The following ROBO2 variants were observed in gnomAD, a reference collection of about 807,000 sequenced individuals.
The protein encoded by ROBO2 is roundabout guidance receptor 2.
Under a neutral mutation model 160.8 loss-of-function variants are expected in ROBO2, and 53 were observed. The observed-to-expected ratio is 0.33, with a 90% CI of 0.26 to 0.41. ROBO2 has a LOEUF of 0.41. Ranked by LOEUF, ROBO2 falls within the 10% of genes least tolerant of loss-of-function variation. The pLI is 1.00. For missense variants in ROBO2, 1,577 were observed against 1,722.4 expected (o/e 0.92, Z 1.49); for synonymous variants, 664 against 611.7 (o/e 1.09, Z -1.26).
At chr3:76,764,466 A>C (rs1328758052) in intron 2 of ROBO2, among the ~76,000 whole-genome samples, 2 of 151,684 alleles carry the variant, frequency 1.3e-5, no homozygotes, top group African/African-American at 4.8e-5. Context: ...TTTACTTTCC[A>C]ATTGTTTCAT....
intron 2 of ROBO2, among the ~76,000 whole-genome samples, chr3:77,015,048 A>T (rs2062152642): frequency 6.6e-6 from 1 of 152,144 alleles, no homozygotes; most frequent in Non-Finnish European, 1.5e-5. Flanking sequence ...GTAAAAAAAA[A>T]AAGTACACAT....
chr3:77,002,930 A>G (rs1052952151), intron 2 of ROBO2, among the ~76,000 whole-genome samples: 4 of 152,018 alleles, frequency 2.6e-5, no homozygotes, highest in Non-Finnish European at 4.4e-5. Flanking sequence ...ATGACTGACC[A>G]TATGTCTAGA....
intron 2 of ROBO2, among the ~76,000 whole-genome samples, chr3:76,494,437 A>G (rs1245746878): frequency 6.6e-6 from 1 of 152,210 alleles, no homozygotes; most frequent in Non-Finnish European, 1.5e-5. Context: ...GATCAAAGAC[A>G]TGCAATTGTA....
chr3:77,025,490 C>T (rs904971319), intron 2 of ROBO2, among the ~76,000 whole-genome samples: 9 of 152,112 alleles, frequency 5.9e-5, no homozygotes, highest in African/African-American at 2.2e-4. Flanking sequence ...ATTTGGTTAA[C>T]ATGATAACTA....
At chr3:76,198,514 T>A (rs1702368219) in intron 2 of ROBO2, among the ~76,000 whole-genome samples, 1 of 152,186 alleles carries the variant, frequency 6.6e-6, no homozygotes, top group Non-Finnish European at 1.5e-5. Context: ...TGACATATTT[T>A]GAAATGGCTC....
At chr3:76,660,654 A>G (rs868105440) in intron 2 of ROBO2, among the ~76,000 whole-genome samples, 11 of 152,282 alleles carry the variant, frequency 7.2e-5, no homozygotes, top group Admixed American at 1.3e-4. Flanking sequence ...AGGTCTTTCT[A>G]GTGATTATGT....
chr3:76,766,940 A>C (rs575666332), intron 2 of ROBO2, among the ~76,000 whole-genome samples: 1 of 151,694 alleles, frequency 6.6e-6, no homozygotes, highest in South Asian at 2.1e-4. Context: ...GGGTTGAGAA[A>C]TGGAAGGATT....
intron 2 of ROBO2, among the ~76,000 whole-genome samples, chr3:76,609,641 A>G (rs935372601): frequency 3.2e-4 from 48 of 152,246 alleles, no homozygotes; most frequent in Middle Eastern, 3.4e-3. Flanking sequence ...GTTTTTCCCA[A>G]TATAAGATCC....
At chr3:77,216,188 G>A (rs971815453) in intron 2 of ROBO2, among the ~76,000 whole-genome samples, 3 of 152,176 alleles carry the variant, frequency 2.0e-5, no homozygotes, top group African/African-American at 7.2e-5. Context: ...GGTCTACAGA[G>A]GCACACAGGC....
intron 2 of ROBO2, among the ~76,000 whole-genome samples, chr3:77,017,647 G>A (rs1007346280): frequency 1.3e-5 from 2 of 151,926 alleles, no homozygotes; most frequent in Non-Finnish European, 2.9e-5. Context: ...AGACACATCA[G>A]GTAGAAACAC....
chr3:77,549,836 T>A (rs1240592090), intron 7 of ROBO2, among the ~76,000 whole-genome samples: 2 of 152,044 alleles, frequency 1.3e-5, no homozygotes, highest in Admixed American at 6.6e-5. Flanking sequence ...GTATTGAAAC[T>A]GTTTAATTAC....
At chr3:77,524,945 A>G (rs560673557) in intron 6 of ROBO2, among the ~76,000 whole-genome samples, 4 of 151,350 alleles carry the variant, frequency 2.6e-5, no homozygotes, top group Non-Finnish European at 5.9e-5. Context: ...TTAATGCAAT[A>G]TAATGTAGAG....
intron 2 of ROBO2, among the ~76,000 whole-genome samples, chr3:76,395,914 T>C (rs2108691445): frequency 6.6e-6 from 1 of 152,266 alleles, no homozygotes; most frequent in Non-Finnish European, 1.5e-5. Context: ...CTGGTACTAT[T>C]CCTTCTGAAA....
At chr3:76,914,861 G>C (rs1444387662) in intron 2 of ROBO2, among the ~76,000 whole-genome samples, 4 of 152,002 alleles carry the variant, frequency 2.6e-5, no homozygotes, top group African/African-American at 7.3e-5. Context: ...AACAGGACAG[G>C]GTGTTCTAAG....
chr3:77,216,647 T>G (rs1335050582), intron 2 of ROBO2, among the ~76,000 whole-genome samples: 1 of 152,174 alleles, frequency 6.6e-6, no homozygotes, highest in Non-Finnish European at 1.5e-5. Context: ...AATGCAGAAA[T>G]CACTCGTCTT....
chr3:76,827,416 C>A (rs1348716380), intron 2 of ROBO2, among the ~76,000 whole-genome samples: 2 of 152,066 alleles, frequency 1.3e-5, no homozygotes, highest in African/African-American at 2.4e-5. Context: ...TCCCCATAAC[C>A]CATGAAGTTT....
chr3:76,313,709 G>C (rs2071761824), intron 2 of ROBO2, among the ~76,000 whole-genome samples: 1 of 152,074 alleles, frequency 6.6e-6, no homozygotes, highest in Admixed American at 6.5e-5. Context: ...TCCTGGAAAA[G>C]ATACCAATAG....
chr3:76,478,207 T>G (rs2079035204), intron 2 of ROBO2, among the ~76,000 whole-genome samples: 1 of 116,402 alleles, frequency 8.6e-6, no homozygotes, highest in Non-Finnish European at 1.7e-5. Context: ...GTCCCCAGAG[T>G]GTGATGTTCC....
At chr3:76,329,618 C>G (rs544070107) in intron 2 of ROBO2, among the ~76,000 whole-genome samples, 2 of 152,212 alleles carry the variant, frequency 1.3e-5, no homozygotes, top group Admixed American at 1.3e-4. Context: ...GACTGTCTGA[C>G]CTGGTGCAGT....
Sources: allele counts gnomAD v4.1 joint callset (sites outside exome capture counted in the v4.1 genomes callset), GRCh38; gene constraint gnomAD v4.1.1; transcripts MANE v1.5; gene names NCBI Gene and HGNC (gene_info 2026-07-23, HGNC 2026-07-21).